Variants in QNG1 observed in about 807,000 individuals in gnomAD.
The protein encoded by QNG1 is queuosine 5'-phosphate N-glycosylase/hydrolase.
At chr9:83,944,842 G>A in the QNG1 span, 1 of 1,613,838 alleles carries the variant, frequency 6.2e-7, no homozygotes, top group South Asian at 1.1e-5. Context: ...AGGGCTCCAA[G>A]ATGAGCAAGA....
At chr9:83,944,015 C>T in the QNG1 span, among the ~76,000 whole-genome samples, 4 of 136,846 alleles carry the variant, frequency 2.9e-5, no homozygotes, top group African/African-American at 6.8e-5. Context: ...AGTGAGACTC[C>T]GTCTCAAACA....
the QNG1 span, among the ~76,000 whole-genome samples, chr9:83,945,640 C>T: frequency 1.6e-4 from 24 of 151,862 alleles, no homozygotes; most frequent in African/African-American, 4.8e-4. Flanking sequence ...CTTGCTCTGT[C>T]GCCCAGGCTG....
At chr9:83,945,182 T>C in the QNG1 span, among the ~76,000 whole-genome samples, 3 of 152,106 alleles carry the variant, frequency 2.0e-5, no homozygotes, top group East Asian at 1.9e-4. Context: ...GGTGGGCAGA[T>C]TGCTTGAGCC....
At chr9:83,948,694 C>G in the QNG1 span, among the ~76,000 whole-genome samples, 1 of 152,202 alleles carries the variant, frequency 6.6e-6, no homozygotes, top group Non-Finnish European at 1.5e-5. Context: ...CGGATTGTTA[C>G]TGTGTCCGTG....
At chr9:83,956,190 G>A in the QNG1 span, 2 of 1,612,016 alleles carry the variant, frequency 1.2e-6, no homozygotes, top group African/African-American at 1.3e-5. Flanking sequence ...GTTGACGGCG[G>A]CGCACAGGGA....
At chr9:83,941,223 G>A in the QNG1 span, among the ~76,000 whole-genome samples, 2 of 152,170 alleles carry the variant, frequency 1.3e-5, no homozygotes, top group Non-Finnish European at 2.9e-5. Context: ...AGCGTAATTT[G>A]TTACACAGCA....
the QNG1 span, chr9:83,956,474 T>G: frequency 1.3e-6 from 2 of 1,526,678 alleles, no homozygotes; most frequent in African/African-American, 2.8e-5. Context: ...ATTTAGAGGA[T>G]TCCCTGGGAT....
the QNG1 span, among the ~76,000 whole-genome samples, chr9:83,943,212 C>T: frequency 3.3e-5 from 5 of 151,498 alleles, no homozygotes; most frequent in East Asian, 3.9e-4. Context: ...TCGTGGCATG[C>T]GCCTGTAATC....
the QNG1 span, among the ~76,000 whole-genome samples, chr9:83,954,628 T>C: frequency 4.6e-4 from 70 of 150,622 alleles, 4 homozygotes. Context: ...ACGCCTGTAA[T>C]CCCAGCACTT....
the QNG1 span, among the ~76,000 whole-genome samples, chr9:83,946,442 T>C: frequency 6.6e-6 from 1 of 152,220 alleles, no homozygotes; most frequent in Non-Finnish European, 1.5e-5. Flanking sequence ...ATGAAGACAT[T>C]AATTGATCAA....
the QNG1 span, among the ~76,000 whole-genome samples, chr9:83,947,746 C>G: frequency 1.3e-5 from 2 of 152,220 alleles, no homozygotes; most frequent in South Asian, 4.1e-4. Flanking sequence ...AGCTCCTGAC[C>G]GCGAGTGATC....
At chr9:83,953,628 G>A in the QNG1 span, 10 of 568,612 alleles carry the variant, frequency 1.8e-5, no homozygotes, top group Non-Finnish European at 3.2e-5. Context: ...TTACAGGTGT[G>A]AGCCACCACG....
the QNG1 span, chr9:83,953,575 T>A: frequency 2.2e-6 from 1 of 445,900 alleles, no homozygotes. Context: ...CTTGAACTCC[T>A]GACCTTGTGA....
the QNG1 span, among the ~76,000 whole-genome samples, chr9:83,943,929 G>A: frequency 1.5e-4 from 23 of 152,146 alleles, no homozygotes; most frequent in Non-Finnish European, 1.0e-4. Flanking sequence ...GCTGAGGCAG[G>A]AGAATGGCCT....
the QNG1 span, among the ~76,000 whole-genome samples, chr9:83,945,757 CGCCCG>C: frequency 0.01 from 1,570 of 152,024 alleles, 27 homozygotes; most frequent in African/African-American, 0.036. Flanking sequence ...GCCGTCACCA[CGCCCG>C]GCTAATTTTT....
At chr9:83,951,140 G>A in the QNG1 span, among the ~76,000 whole-genome samples, 5,019 of 152,098 alleles carry the variant, frequency 0.033, 260 homozygotes, top group African/African-American at 0.11. Context: ...GCATGATGGC[G>A]GGTGCCTGTA....
the QNG1 span, chr9:83,944,964 C>T: frequency 8.7e-6 from 14 of 1,603,416 alleles, no homozygotes; most frequent in South Asian, 2.3e-5. Context: ...GATTTGGGCT[C>T]GTTTGTAAAA....
chr9:83,956,460 A>G, the QNG1 span: 1 of 1,536,400 alleles, frequency 6.5e-7, no homozygotes, highest in South Asian at 1.3e-5. Flanking sequence ...GTTTTCTGCA[A>G]TGAATTTAGA....
the QNG1 span, among the ~76,000 whole-genome samples, chr9:83,955,063 G>A: frequency 6.6e-6 from 1 of 151,438 alleles, no homozygotes; most frequent in Non-Finnish European, 1.5e-5. Flanking sequence ...GCCGGGCTTG[G>A]TGGCGCATCC....
Sources: gnomAD v4.1 joint callset for allele counts (sites outside exome capture counted in the v4.1 genomes callset) on GRCh38, gnomAD v4.1.1 for gene constraint, MANE v1.5 for transcripts, NCBI Gene and HGNC (gene_info 2026-07-23, HGNC 2026-07-21) for gene names.